Variants in CCBE1 observed in about 807,000 individuals in gnomAD.
CCBE1 encodes collagen and calcium-binding EGF domain-containing protein 1.
Under a neutral mutation model 50.0 loss-of-function variants are expected in CCBE1, and 37 were observed. The observed-to-expected ratio is 0.74, with a 90% CI of 0.57 to 0.97. The LOEUF (loss-of-function observed/expected upper bound fraction) is 0.97, where lower values mean the gene tolerates loss of function less well. CCBE1 is among the 50% of genes least tolerant of loss of function. The pLI is 0.00. For synonymous variants in CCBE1, 234 were observed against 203.7 expected, an observed-to-expected ratio of 1.15 and a Z score of -1.27; for missense variants, 538 against 523.8, an observed-to-expected ratio of 1.03 and a Z score of -0.26.
chr18:59,596,690 G>A (rs56251118), intron 2 of CCBE1, among the ~76,000 whole-genome samples: 1 of 152,188 alleles, frequency 6.6e-6, no homozygotes, highest in Non-Finnish European at 1.5e-5. Flanking sequence ...ACACAATTGA[G>A]ACAGCAAGAG....
chr18:59,473,559 G>A (rs994153763), intron 3 of CCBE1, among the ~76,000 whole-genome samples: 1 of 130,796 alleles, frequency 7.6e-6, no homozygotes, highest in Non-Finnish European at 1.6e-5. Context: ...TGGACTTTAT[G>A]TCTAATATTC....
chr18:59,605,514 T>A (rs2053486213), intron 2 of CCBE1, among the ~76,000 whole-genome samples: 1 of 152,184 alleles, frequency 6.6e-6, no homozygotes, highest in Admixed American at 6.5e-5. Flanking sequence ...GGTGGATAAC[T>A]CTTAGGTTGG....
In CCBE1 at chr18:59,436,144, G is replaced by C. The variant is rs369781148; in HGVS notation, c.988-3C>G. 1.2e-6 allele frequency: 2 copies of C among 1,613,760 alleles called. No individual in the cohort carries two copies. The highest frequency in any genetic ancestry group is 1.7e-6 in the Non-Finnish European group (2 of 1,179,676). On this transcript the variant is annotated splice_region_variant and splice_polypyrimidine_tract_variant and intron_variant, in intron 10 of 10. Transcript: ENST00000439986. ...AAGTCGAAAGAACCAGGGGGTCCCT[G>C]TGTACATGGGAGGAATCAAAGCTAG...
intron 2 of CCBE1, among the ~76,000 whole-genome samples, chr18:59,508,341 T>C (rs2144287115): frequency 6.7e-6 from 1 of 150,106 alleles, no homozygotes; most frequent in African/African-American, 2.4e-5. Context: ...CTCACGCCTG[T>C]AATCCCAGAA....
chr18:59,598,161 G>T (rs546379453), intron 2 of CCBE1, among the ~76,000 whole-genome samples: 1 of 152,188 alleles, frequency 6.6e-6, no homozygotes, highest in Non-Finnish European at 1.5e-5. Flanking sequence ...ATACCAGCTA[G>T]CTTTAGCACA....
At chr18:59,665,247 A>G (rs1378783552) in intron 2 of CCBE1, among the ~76,000 whole-genome samples, 1 of 152,054 alleles carries the variant, frequency 6.6e-6, no homozygotes, top group Non-Finnish European at 1.5e-5. Flanking sequence ...CTGCAACTTC[A>G]GGTGACAGAG....
At chr18:59,615,663 T>C (rs1168991573) in intron 2 of CCBE1, among the ~76,000 whole-genome samples, 1 of 152,192 alleles carries the variant, frequency 6.6e-6, no homozygotes, top group African/African-American at 2.4e-5. Context: ...ATACTTGGCA[T>C]ATAGTTTATT....
chr18:59,544,211 T>G (rs1361830243), intron 2 of CCBE1, among the ~76,000 whole-genome samples: 6 of 152,224 alleles, frequency 3.9e-5, no homozygotes, highest in Non-Finnish European at 8.8e-5. Context: ...AGGTGATTTT[T>G]CTAACTCCCA....
chr18:59,449,651 T>A lies in CCBE1; in HGVS notation c.655-1548A>T, dbSNP rs942981730. Among the ~76,000 whole-genome samples the A allele has an allele frequency of 2.6e-5, 4 of 151,478 alleles. No individual in the cohort carries two copies. The South Asian group carries it at 8.4e-4, about 32-fold the overall frequency. On this transcript the variant is annotated intron_variant, in intron 6 of 10. Coordinates refer to ENST00000439986, the MANE Select transcript of CCBE1 (RefSeq NM_133459.4). ...AAAAAAAAAAAAAAAAGAAATGCTG[T>A]CTGGGGGCTGCTCCTGACTTTGTTC...
At chr18:59,502,481 G>A (rs1913670119) in intron 2 of CCBE1, among the ~76,000 whole-genome samples, 1 of 151,518 alleles carries the variant, frequency 6.6e-6, no homozygotes, top group African/African-American at 2.4e-5. Context: ...ATTATCTCCT[G>A]CTTTTAATTA....
chr18:59,476,028 A>G (rs986853165), intron 3 of CCBE1, among the ~76,000 whole-genome samples: 1 of 151,880 alleles, frequency 6.6e-6, no homozygotes, highest in African/African-American at 2.4e-5. Flanking sequence ...ACTCTTCCAC[A>G]TTTACTGAAT....
intron 2 of CCBE1, among the ~76,000 whole-genome samples, chr18:59,539,200 C>A (rs55913347): frequency 0.29 from 42,451 of 147,492 alleles, 6,255 homozygotes; most frequent in African/African-American, 0.34. Flanking sequence ...CACACACACA[C>A]AAAAAACAAA....
chr18:59,575,574 G>A (rs1599027524), intron 2 of CCBE1, among the ~76,000 whole-genome samples: 1 of 152,192 alleles, frequency 6.6e-6, no homozygotes, highest in East Asian at 1.9e-4. Flanking sequence ...GACAAAGGAT[G>A]GCAGAATTTG....
intron 2 of CCBE1, among the ~76,000 whole-genome samples, chr18:59,620,622 A>G (rs1220163196): frequency 6.6e-6 from 1 of 152,158 alleles, no homozygotes; most frequent in Non-Finnish European, 1.5e-5. Flanking sequence ...TCACGGGGGC[A>G]AGTCTTTCCC....
At chr18:59,616,187 G>T (rs1405579130) in intron 2 of CCBE1, among the ~76,000 whole-genome samples, 14 of 152,176 alleles carry the variant, frequency 9.2e-5, no homozygotes, top group African/African-American at 3.4e-4. Flanking sequence ...ACCAGTGAGG[G>T]CTGCTGTGGG....
intron 2 of CCBE1, among the ~76,000 whole-genome samples, chr18:59,692,488 C>A (rs141734757): frequency 6.7e-6 from 1 of 149,446 alleles, no homozygotes; most frequent in Non-Finnish European, 1.5e-5. Flanking sequence ...GAAGCCCACT[C>A]CCCCGCCATG....
At chr18:59,647,484 A>G (rs1438864156) in intron 2 of CCBE1, among the ~76,000 whole-genome samples, 1 of 152,048 alleles carries the variant, frequency 6.6e-6, no homozygotes, top group African/African-American at 2.4e-5. Context: ...TATTTTCCAG[A>G]TTTTTTTCTG....
At chr18:59,588,456 C>A (rs1021363201) in intron 2 of CCBE1, among the ~76,000 whole-genome samples, 1 of 152,128 alleles carries the variant, frequency 6.6e-6, no homozygotes, top group Admixed American at 6.5e-5. Context: ...TTTCCTTGTG[C>A]CCTTTCCAGA....
intron 2 of CCBE1, among the ~76,000 whole-genome samples, chr18:59,507,897 CT>C (rs113598829): frequency 7.5e-4 from 108 of 143,760 alleles, no homozygotes; most frequent in East Asian, 8.1e-4. Context: ...CTTTCTTTTC[CT>C]TTTTTTTTTT....
Sources: allele counts gnomAD v4.1 joint callset (sites outside exome capture counted in the v4.1 genomes callset), GRCh38; gene constraint gnomAD v4.1.1; transcripts MANE v1.5; gene names NCBI Gene and HGNC (gene_info 2026-07-23, HGNC 2026-07-21).